The following CFAP54 variants were observed in gnomAD, a reference collection of about 807,000 sequenced individuals.
The protein encoded by CFAP54 is cilia and flagella associated protein 54.
A neutral mutation model predicts 370.4 loss-of-function variants in CFAP54; 290 were observed. The ratio of observed to expected loss-of-function variants is 0.78; its 90% CI spans 0.71 to 0.86. The LOEUF is 0.86. Among genes scored for constraint, CFAP54 ranks in the 40% least tolerant of loss-of-function variants. The pLI, the probability that CFAP54 is intolerant of heterozygous loss-of-function variation, is 0.00. For missense variants in CFAP54, 3,399 were observed against 3,528.7 expected, an observed-to-expected ratio of 0.96 and a Z score of 0.93; for synonymous variants, 1,206 against 1,236.5, an observed-to-expected ratio of 0.98 and a Z score of 0.52.
At chr12:96,525,782 C>T (rs1955373552) in intron 8 of CFAP54, among the ~76,000 whole-genome samples, 1 of 152,196 alleles carries the variant, frequency 6.6e-6, no homozygotes, top group Admixed American at 6.5e-5. Flanking sequence ...CCTCTGCCTC[C>T]TGGGTTCAAG....
In CFAP54 at chr12:96,630,182, C is replaced by T; in HGVS notation, c.4193C>T (p.Ala1398Val). The T allele has an allele frequency of 6.7e-7, 1 of 1,494,288 alleles. No homozygotes were observed. The highest frequency in any genetic ancestry group is 9.0e-7 in the Non-Finnish European group (1 of 1,116,846). 92.6% of individuals were successfully genotyped at this position (1,494,288 alleles called of 1,614,324 possible). A position where few individuals can be genotyped will look rare whatever the true frequency, so the allele number is the denominator to read the frequency against. Reference protein sequence around the residue: ...KKANKSLKFKAAVMEIGRSAE... With the variant: ...KKANKSLKFKVAVMEIGRSAE... ...GCAAACAAATCTTTAAAGTTCAAAGCTGCAGTAATGGAAATTGGAAGAGTA... is the reference window on the plus strand; with the variant it reads ...GCAAACAAATCTTTAAAGTTCAAAGTTGCAGTAATGGAAATTGGAAGAGTA... Residue 1398 changes from alanine to valine, a missense_variant, in exon 31 of 68, where the codon GCT (alanine) becomes GTT (valine). Ala to Val is a moderately conservative substitution (Grantham distance 64, BLOSUM62 0). Transcript: ENST00000524981.
chr12:96,848,770 C>CT (rs746955813), intron 66 of CFAP54, among the ~76,000 whole-genome samples: 5 of 152,294 alleles, frequency 3.3e-5, no homozygotes, highest in East Asian at 1.9e-4. Flanking sequence ...TAAAAAACCC[C>CT]TTTTTTGTCA....
chr12:96,803,945 A>C (rs562726291), intron 63 of CFAP54, among the ~76,000 whole-genome samples: 89 of 152,270 alleles, frequency 5.8e-4, no homozygotes, highest in Non-Finnish European at 9.4e-4. Context: ...GTTTGAAAGA[A>C]CCTCAATGAA....
In CFAP54 at chr12:96,773,318, C is replaced by T. The variant is rs556126988; in HGVS notation, c.8281+8100C>T. ...AGCTGTAGGCTTAAAAACCACACTT[C>T]TTCTGCCAGAATCACACCAGCCGAA... On this transcript the variant is annotated intron_variant, in intron 60 of 67. Coordinates refer to ENST00000524981, the MANE Select transcript of CFAP54 (RefSeq NM_001306084.2). 6.6e-5 allele frequency among the ~76,000 whole-genome samples: 10 copies of T among 152,314 alleles called. No homozygotes were observed. In the South Asian group the frequency reaches 1.9e-3, roughly 28 times the overall value.
intron 40 of CFAP54, among the ~76,000 whole-genome samples, chr12:96,684,226 C>T (rs1205285367): frequency 6.6e-6 from 1 of 152,194 alleles, no homozygotes; most frequent in Admixed American, 6.5e-5. Context: ...ATCCACATTT[C>T]TCCAAGTGGC....
intron 65 of CFAP54, among the ~76,000 whole-genome samples, chr12:96,827,020 TTA>T (rs1362515557): frequency 8.4e-5 from 11 of 131,412 alleles, no homozygotes; most frequent in Admixed American, 6.4e-4. Context: ...TAATATGCAA[TTA>T]TATGTGATTA....
At chr12:96,684,967 G>C in intron 41 of CFAP54, 62 bp from the exon 42 acceptor site, 1 of 1,513,868 alleles carries the variant, frequency 6.6e-7, no homozygotes, top group Non-Finnish European at 9.1e-7. Flanking sequence ...TTCCCTTCTG[G>C]AAGATAGATT....
intron 60 of CFAP54, 27 bp downstream of exon 60, chr12:96,765,245 C>A (rs767394829): frequency 3.5e-6 from 5 of 1,440,504 alleles, no homozygotes; most frequent in Admixed American, 4.0e-5. Context: ...ACATATTATG[C>A]AAAAAAACTG....
Position 96,708,591 on chromosome 12 carries a change from T to G in CFAP54, c.6529-17T>G. 6.3e-7 allele frequency: 1 copy of G among 1,575,242 alleles called. No individual in the cohort carries two copies. The highest frequency in any genetic ancestry group is 1.2e-5 in the South Asian group (1 of 83,536). ...TATTTTTCTAATTTGCTCTTTTTCCTTTTTTCCATTTTTTAGGCAATTGAT... is the reference window on the plus strand; with the variant it reads ...TATTTTTCTAATTTGCTCTTTTTCCGTTTTTCCATTTTTTAGGCAATTGAT... On this transcript the variant is annotated splice_polypyrimidine_tract_variant and intron_variant, in intron 47 of 67. Coordinates refer to ENST00000524981, the MANE Select transcript of CFAP54 (RefSeq NM_001306084.2).
chr12:96,860,779 A>C, intron 66 of CFAP54, 40 bp from the exon 67 acceptor site: 1 of 1,489,838 alleles, frequency 6.7e-7, no homozygotes, highest in Non-Finnish European at 8.9e-7. Context: ...CAACAGTTTG[A>C]AACAATGCAT....
chr12:96,507,129 G>A (rs1955111072), intron 4 of CFAP54, 30 bp downstream of exon 4: 2 of 1,432,884 alleles, frequency 1.4e-6, no homozygotes, highest in Non-Finnish European at 1.8e-6. Context: ...ATTTTCCATT[G>A]TGTCTTTCAG....
intron 60 of CFAP54, among the ~76,000 whole-genome samples, chr12:96,767,558 C>T (rs1194403921): frequency 6.6e-6 from 1 of 152,066 alleles, no homozygotes; most frequent in Non-Finnish European, 1.5e-5. Flanking sequence ...TGCATTTTGC[C>T]TTGCCTTAAG....
chr12:96,684,790 G>A (rs1014455085), intron 41 of CFAP54, 55 bp downstream of exon 41: 11 of 1,418,516 alleles, frequency 7.8e-6, no homozygotes, highest in Non-Finnish European at 9.7e-6. Flanking sequence ...TTGCTTGTTT[G>A]AAGAAGTTTT....
At position 96,691,262 on chromosome 12, in the gene CFAP54, T is replaced by A; in HGVS notation, c.6216T>A (p.Ser2072Arg). 6.2e-7 allele frequency: 1 copy of A among 1,611,900 alleles called. No individual in the cohort carries two copies. Among genetic ancestry groups the A allele is most frequent in the South Asian group, 1.1e-5 (1 of 90,446 alleles). ...CTGACATTTGCTCTGTAATTGCAAGTCTGTATTACATTATACGTGAACTGC... is the reference window on the plus strand; with the variant it reads ...CTGACATTTGCTCTGTAATTGCAAGACTGTATTACATTATACGTGAACTGC... ...YRADICSVIASLYYIIRELHF... is the reference protein window; with the variant it reads ...YRADICSVIARLYYIIRELHF... Residue 2072 changes from serine to arginine, a missense_variant, in exon 44 of 68, where the codon AGT becomes AGA. Physicochemically the swap from Ser to Arg is moderately radical, Grantham distance 110. This residue lies in a region of CFAP54 where 2,796 missense variants were observed against 2,869.7 expected (regional missense o/e 0.97). Transcript: ENST00000524981.
In CFAP54 at chr12:96,658,277, A is replaced by T; in HGVS notation, c.5391A>T (p.Ile1797=). 1 of 1,614,080 alleles carries T rather than the reference A, an allele frequency of 6.2e-7. No homozygotes were observed. The highest frequency in any genetic ancestry group is 8.5e-7 in the Non-Finnish European group (1 of 1,179,926). Residue 1797 remains isoleucine (I), a synonymous_variant, in exon 38 of 68, where the codon ATA becomes ATT. Transcript: ENST00000524981. ...VYAQRQLLLR[I]QKFKGPDITQ... is the part of the protein sequence containing the mutation. ...CACAGCGCCAGCTTCTGCTGAGAAT[A>T]CAGAAGTTCAAGGGCCCAGATATTA...
intron 65 of CFAP54, among the ~76,000 whole-genome samples, chr12:96,826,476 T>C (rs1197176546): frequency 8.4e-6 from 1 of 119,406 alleles, no homozygotes; most frequent in South Asian, 2.4e-4. Flanking sequence ...TATTATATAA[T>C]ATATGTAAAT....
At chr12:96,568,615 C>A (rs189651709) in intron 19 of CFAP54, among the ~76,000 whole-genome samples, 1 of 152,250 alleles carries the variant, frequency 6.6e-6, no homozygotes, top group East Asian at 1.9e-4. Flanking sequence ...AACTGGGGTA[C>A]GTAACAGAAT....
Position 96,658,313 on chromosome 12 carries a change from T to C in CFAP54, c.5427T>C (p.Pro1809=). 6.2e-7 allele frequency: 1 copy of C among 1,614,112 alleles called. No individual in the cohort carries two copies. The highest frequency in any genetic ancestry group is 8.5e-7 in the Non-Finnish European group (1 of 1,179,994). Residue 1809 remains proline (P), a synonymous_variant, in exon 38 of 68, where the codon CCT becomes CCC. Coordinates refer to ENST00000524981, the MANE Select transcript of CFAP54 (RefSeq NM_001306084.2). ...KFKGPDITQQ[P]CARYEAEYGE... ...AGGGCCCAGATATTACCCAACAACC[T>C]TGTGCAAGGTATGAGGCTGAATATG...
chr12:96,676,098 A>C (rs1025970196), intron 39 of CFAP54, among the ~76,000 whole-genome samples: 4 of 152,114 alleles, frequency 2.6e-5, no homozygotes, highest in African/African-American at 4.8e-5. Context: ...AAAAAAAGAT[A>C]CATGACCAGT....
Sources: allele counts gnomAD v4.1 joint callset (sites outside exome capture counted in the v4.1 genomes callset), GRCh38; gene constraint gnomAD v4.1.1; regional missense constraint gnomAD v4.1.1; transcripts MANE v1.5; gene names NCBI Gene and HGNC (gene_info 2026-07-23, HGNC 2026-07-21).